The following RGL3 variants were observed in gnomAD, a reference collection of about 807,000 sequenced individuals.
The protein encoded by RGL3 is ral guanine nucleotide dissociation stimulator-like 3.
In RGL3, 85 loss-of-function variants were observed where a neutral mutation model predicts 90.6. The observed-to-expected ratio is 0.94, with a 90% CI of 0.79 to 1.12. RGL3 has a LOEUF of 1.12. Ranked by LOEUF, RGL3 falls within the 50% of genes most tolerant of loss-of-function variation. RGL3 has a pLI of 0.00. For synonymous variants in RGL3, 408 were observed against 385.5 expected (o/e 1.06, Z -0.68); for missense variants, 1,034 against 939.2 (o/e 1.10, Z -1.32).
In RGL3 at chr19:11,416,926, G is replaced by A; in HGVS notation, c.281C>T (p.Pro94Leu). 2 of 1,614,068 alleles carry A rather than the reference G, an allele frequency of 1.2e-6. No homozygotes were observed. The highest frequency in any genetic ancestry group is 1.3e-5 in the African/African-American group (1 of 75,002). ...GGTCCGGTAGGTGGCCAGGAAGGCG[G>A]GCATGAAGCTGGGGTCCTGCTCACG... The part of the protein sequence containing the change: ...GDREQDPSFM[P>L]AFLATYRTFV... Residue 94 changes from proline to leucine, a missense_variant, in exon 3 of 19, where the codon CCC becomes CTC. Transcript: ENST00000380456.
chr19:11,402,601 C>A, intron 10 of RGL3, 49 bp downstream of exon 10: 1 of 1,612,762 alleles, frequency 6.2e-7, no homozygotes, highest in Non-Finnish European at 8.5e-7. Flanking sequence ...CCATCCACAA[C>A]CCTCCCTGAA....
At chr19:11,414,239 A>ACC (rs1261230030) in intron 5 of RGL3, among the ~76,000 whole-genome samples, 1 of 97,558 alleles carries the variant, frequency 1.0e-5, no homozygotes, top group Admixed American at 1.3e-4. Context: ...CTTTATATAT[A>ACC]TATATACCTT....
In RGL3 at chr19:11,397,581, T is replaced by G. The variant is rs1568334884; in HGVS notation, c.1763A>C (p.Asp588Ala). The G allele has an allele frequency of 6.4e-7, 1 of 1,571,452 alleles. No homozygotes were observed. ...AGCGAAGGGCCGGGGGCTGGGCAGG[T>G]CCAGGCTCAGGGGCAGCTGCAGGCA... ...GPSTKLPLSL[D>A]LPSPRPFALP... The change falls in exon 17 of 19, where the codon GAC (aspartate) becomes GCC (alanine). Residue 588 changes from aspartate (D) to alanine (A), a missense_variant. Coordinates refer to ENST00000380456, the MANE Select transcript of RGL3 (RefSeq NM_001035223.4).
At chr19:11,394,784 C>T (rs1968535940) in intron 18 of RGL3, 1 of 388,208 alleles carries the variant, frequency 2.6e-6, no homozygotes, top group South Asian at 2.6e-5. Context: ...ACAAGGCAAC[C>T]TGCAGTAAAA....
chr19:11,401,648 G>A lies in RGL3; in HGVS notation c.1484+363C>T, dbSNP rs146155493. ...ACTCCTTACCTCATGTGATTCACCC[G>A]CCTCGGCCTCCCAAAGTGCTGGGAT... On this transcript the variant is annotated intron_variant, in intron 13 of 18. Transcript: ENST00000380456. 1.4e-3 allele frequency among the ~76,000 whole-genome samples: 215 copies of A among 151,762 alleles called. 1 individual carries two copies. The highest frequency in any genetic ancestry group is 4.6e-3 in the African/African-American group (191 of 41,400).
chr19:11,401,544 T>C (rs1317363128), intron 13 of RGL3, among the ~76,000 whole-genome samples: 3 of 151,860 alleles, frequency 2.0e-5, no homozygotes, highest in Middle Eastern at 3.4e-3. Flanking sequence ...TACAGGCGCC[T>C]GCCACTACAC....
rs2144727953 is a variant in RGL3 at position 11,406,417 on chromosome 19, A to G, written c.996+2T>C. ...CATCCCCTCTCCGCGCCCGCAACAC[A>G]CCTGGGCGATGCGGATCCACTTCTC... On this transcript the variant is annotated splice_donor_variant, in intron 7 of 18. Coordinates refer to ENST00000380456, the MANE Select transcript of RGL3 (RefSeq NM_001035223.4). LOFTEE classifies it high-confidence loss of function. 6.5e-7 allele frequency: 1 copy of G among 1,533,716 alleles called. No homozygotes were observed. Among genetic ancestry groups the G allele is most frequent in the African/African-American group, 1.4e-5 (1 of 72,704 alleles).
At chr19:11,414,462 TTCATATATATATATATATATAC>T (rs1968946217) in intron 5 of RGL3, among the ~76,000 whole-genome samples, 2 of 77,780 alleles carry the variant, frequency 2.6e-5, no homozygotes, top group Admixed American at 1.7e-4. Context: ...TATATATACC[TTCATATATATATATATATATAC>T]ACCTTCATAT....
intron 4 of RGL3, 193 bp downstream of exon 4, chr19:11,416,421 A>G: frequency 1.5e-6 from 1 of 667,750 alleles, no homozygotes; most frequent in South Asian, 1.7e-5. Context: ...ATGGTCTCTA[A>G]CTCCTGACCT....
rs754982531 is a variant in RGL3, at chr19:11,406,533, G to A, written c.882C>T (p.Thr294=). ...AAGASPTVRA[T]VAQFNTVTGC... ...CGGTCACGGTGTTGAACTGGGCCAC[G>A]GTGGCGCGCACAGTGGGGGAGGCGC... The change falls in exon 7 of 19, where the codon ACC becomes ACT. Residue 294 remains threonine (T), a synonymous_variant. Transcript: ENST00000380456. 3 of 1,550,442 alleles carry A rather than the reference G, an allele frequency of 1.9e-6. No homozygotes were observed. Among genetic ancestry groups the A allele is most frequent in the Admixed American group, 2.0e-5 (1 of 51,148 alleles).
chr19:11,414,179 A>C (rs1259265550), intron 5 of RGL3, among the ~76,000 whole-genome samples: 2 of 67,074 alleles, frequency 3.0e-5, no homozygotes, highest in African/African-American at 6.0e-5. Flanking sequence ...ATATATATAC[A>C]CCTATATATA....
At chr19:11,417,526 A>G (rs1171636099) in intron 2 of RGL3, among the ~76,000 whole-genome samples, 1 of 138,112 alleles carries the variant, frequency 7.2e-6, no homozygotes, top group Non-Finnish European at 1.5e-5. Flanking sequence ...GCTGGAGTTC[A>G]GTGGCGTGAT....
chr19:11,417,098 G>A (rs1017741997), intron 2 of RGL3, 39 bp from the exon 3 acceptor site: 2 of 1,461,582 alleles, frequency 1.4e-6, no homozygotes, highest in Non-Finnish European at 1.9e-6. Flanking sequence ...GAGCAGGAGT[G>A]GTCCTCACAG....
At chr19:11,406,008 G>T (rs2144727452) in intron 7 of RGL3, among the ~76,000 whole-genome samples, 1 of 151,816 alleles carries the variant, frequency 6.6e-6, no homozygotes, top group South Asian at 2.1e-4. Flanking sequence ...ACAGGCGTGA[G>T]TCACTGCGCC....
At position 11,402,069 on chromosome 19, in the gene RGL3, G is replaced by A. The variant is rs1330940166; in HGVS notation, c.1426C>T (p.Pro476Ser). The A allele has an allele frequency of 3.8e-6, 6 of 1,581,848 alleles. No homozygotes were observed. Among genetic ancestry groups the A allele is most frequent in the African/African-American group, 2.7e-5 (2 of 74,570 alleles). The change falls in exon 13 of 19, where the codon CCC becomes TCC. Residue 476 changes from proline to serine, a missense_variant. By Grantham distance (74) the Pro-to-Ser change is moderately conservative. Coordinates refer to ENST00000380456, the MANE Select transcript of RGL3 (RefSeq NM_001035223.4). The stretch of plus-strand genomic sequence containing the variant: ...AGGGCAGCCAGGATGGGCGGGTGGG[G>A]GCTCAGGGTGTAGCTCTGACAGCGC... The part of the protein sequence containing the change: ...QRRCQSYTLS[P>S]HPPILAALHA...
intron 5 of RGL3, among the ~76,000 whole-genome samples, chr19:11,413,974 C>T (rs931827131): frequency 4.0e-5 from 6 of 148,388 alleles, no homozygotes; most frequent in Non-Finnish European, 8.9e-5. Context: ...TCTCGATCTC[C>T]GAACCTTGGG....
chr19:11,405,340 G>C lies in RGL3; in HGVS notation c.1083C>G (p.Ser361Arg), dbSNP rs772210277. 1 of 1,613,250 alleles carries C rather than the reference G, an allele frequency of 6.2e-7. No homozygotes were observed. The highest frequency in any genetic ancestry group is 1.7e-5 in the Admixed American group (1 of 59,814). The change falls in exon 8 of 19, where the codon AGC (serine) becomes AGG (arginine). Residue 361 changes from serine to arginine, a missense_variant. Coordinates refer to ENST00000380456, the MANE Select transcript of RGL3 (RefSeq NM_001035223.4). The stretch of plus-strand genomic sequence containing the variant: ...CAGCTCACCGGCTCACTGCCCCCCA[G>C]CTGCGCTTGAGCCGGTAGATGGGGT... ...QSNPIYRLKR[S>R]WGAVSREPLS... is the part of the protein sequence containing the mutation.
intron 5 of RGL3, among the ~76,000 whole-genome samples, chr19:11,411,690 C>T (rs367707842): frequency 5.3e-5 from 8 of 152,150 alleles, no homozygotes; most frequent in East Asian, 1.9e-4. Context: ...GGCATAATCA[C>T]GGCTCACTGC....
At position 11,394,811 on chromosome 19, in the gene RGL3, C is replaced by A. The variant is rs191468510; in HGVS notation, c.2015-291G>T. ...GCAGTAAAAGTTTGAGCAAACTGGC[C>A]GGGCGCGATGCCTCGTGCCTGTAAT... On this transcript the variant is annotated intron_variant, in intron 18 of 18. Transcript: ENST00000380456. 12 of 332,408 alleles carry A rather than the reference C, an allele frequency of 3.6e-5. No individual in the cohort carries two copies. The Admixed American group carries it at 5.1e-4, about 14-fold the overall frequency. 20.6% of individuals were successfully genotyped at this position (332,408 alleles called of 1,614,324 possible).
Sources: allele counts gnomAD v4.1 joint callset (sites outside exome capture counted in the v4.1 genomes callset), GRCh38; gene constraint gnomAD v4.1.1; transcripts MANE v1.5; gene names NCBI Gene and HGNC (gene_info 2026-07-23, HGNC 2026-07-21).